Variants in SORCS2 observed in about 807,000 individuals in gnomAD.
SORCS2 encodes sortilin related VPS10 domain containing receptor 2.
In SORCS2, 100 loss-of-function variants were observed where a neutral mutation model predicts 141.6. The ratio of observed to expected loss-of-function variants is 0.71; its 90% CI spans 0.60 to 0.83. The LOEUF (loss-of-function observed/expected upper bound fraction) is 0.83. Among genes scored for constraint, SORCS2 ranks in the 40% least tolerant of loss-of-function variants. The probability of loss-of-function intolerance (pLI) is 0.00; values close to 1 mark genes in which losing one functional copy is unlikely to be tolerated. For synonymous variants in SORCS2, 789 were observed against 676.9 expected (o/e 1.17, Z -2.57); for missense variants, 1,646 against 1,560.2 (o/e 1.05, Z -0.93).
At chr4:7,313,006 G>T (rs926871555) in intron 1 of SORCS2, among the ~76,000 whole-genome samples, 1 of 152,378 alleles carries the variant, frequency 6.6e-6, no homozygotes, top group South Asian at 2.1e-4. Context: ...GGAACAGCAT[G>T]TGTAGCTGGG....
chr4:7,209,936 G>C (rs773221918), intron 1 of SORCS2, among the ~76,000 whole-genome samples: 4 of 152,240 alleles, frequency 2.6e-5, no homozygotes, highest in Non-Finnish European at 5.9e-5. Flanking sequence ...GCCGGGGGAA[G>C]GGGTGAAGTC....
chr4:7,703,354 C>A lies in SORCS2; in HGVS notation c.1743C>A (p.Ile581=), dbSNP rs1201542495. 9 of 1,613,262 alleles carry A rather than the reference C, an allele frequency of 5.6e-6. No individual in the cohort carries two copies. Among genetic ancestry groups the A allele is most frequent in the Non-Finnish European group, 7.6e-6 (9 of 1,179,620 alleles). ...GVIVAIKDTS[I]PLKILKFSVD... Reference sequence around the variant, plus strand: ...TCGTGGCCATCAAAGACACCTCCATCCCTTTGAAGATCCTCAAGTAATGGC... The same window carrying A: ...TCGTGGCCATCAAAGACACCTCCATACCTTTGAAGATCCTCAAGTAATGGC... Residue 581 remains isoleucine, a synonymous_variant, in exon 13 of 27, where the codon ATC becomes ATA. Coordinates refer to ENST00000507866, the MANE Select transcript of SORCS2 (RefSeq NM_020777.3).
At chr4:7,246,459 G>T in intron 1 of SORCS2, among the ~76,000 whole-genome samples, 1 of 145,756 alleles carries the variant, frequency 6.9e-6, no homozygotes, top group African/African-American at 2.6e-5. Context: ...ATCTCACCTG[G>T]GGCTTAAATG....
intron 1 of SORCS2, among the ~76,000 whole-genome samples, chr4:7,315,558 C>T (rs36088630): frequency 0.27 from 41,358 of 152,090 alleles, 5,981 homozygotes; most frequent in East Asian, 0.46. Flanking sequence ...AGACCAGGAA[C>T]GTGAGGACTT....
At chr4:7,463,600 A>C (rs1017395666) in intron 2 of SORCS2, among the ~76,000 whole-genome samples, 2 of 152,156 alleles carry the variant, frequency 1.3e-5, no homozygotes, top group East Asian at 3.9e-4. Context: ...AAAACAATCA[A>C]CGCTGGAGGC....
intron 1 of SORCS2, chr4:7,382,118 C>T: frequency 2.4e-6 from 1 of 413,836 alleles, no homozygotes; most frequent in Non-Finnish European, 3.3e-6. Flanking sequence ...GGTGGTGCTG[C>T]TGGTGGAGCG....
At chr4:7,340,637 T>C (rs1224660370) in intron 1 of SORCS2, among the ~76,000 whole-genome samples, 3 of 152,210 alleles carry the variant, frequency 2.0e-5, no homozygotes, top group African/African-American at 4.8e-5. Flanking sequence ...CTCTGCACTC[T>C]TGCACGTGAG....
In SORCS2 at chr4:7,438,171, C is replaced by T. The variant is rs142326634; in HGVS notation, c.548+41816C>T. 1.2e-3 allele frequency among the ~76,000 whole-genome samples: 176 copies of T among 152,352 alleles called. 1 individual carries two copies. Among genetic ancestry groups the T allele is most frequent in the African/African-American group, 3.9e-3 (163 of 41,584 alleles). On this transcript the variant is annotated intron_variant, in intron 2 of 26. Coordinates refer to ENST00000507866, the MANE Select transcript of SORCS2 (RefSeq NM_020777.3). ...GGTCCAGCCCCAGTCCAGGCTCACA[C>T]GATGCAATTCCTGGTCATGGTGCCT... is the stretch of plus-strand genomic sequence containing the variant.
chr4:7,740,309 C>T lies in SORCS2; in HGVS notation c.*45C>T, dbSNP rs1458712901. Reference sequence around the variant, plus strand: ...TTTTCACCCACGGAGGGCACAGAACCACCAGCAAAGCCGGCGGCTGGACTG... The same window carrying T: ...TTTTCACCCACGGAGGGCACAGAACTACCAGCAAAGCCGGCGGCTGGACTG... On this transcript the variant is annotated 3_prime_UTR_variant, in exon 27 of 27. Transcript: ENST00000507866. 2 of 1,575,796 alleles carry T rather than the reference C, an allele frequency of 1.3e-6. No homozygotes were observed. Among genetic ancestry groups the T allele is most frequent in the Non-Finnish European group, 1.7e-6 (2 of 1,154,924 alleles).
intron 2 of SORCS2, among the ~76,000 whole-genome samples, chr4:7,465,605 A>C (rs1729569144): frequency 6.6e-6 from 1 of 152,146 alleles, no homozygotes; most frequent in South Asian, 2.1e-4. Context: ...CTTTTCTTTT[A>C]AGTTCGTTTT....
chr4:7,556,856 A>G (rs1249243279), intron 3 of SORCS2, among the ~76,000 whole-genome samples: 3 of 139,426 alleles, frequency 2.2e-5, no homozygotes, highest in Non-Finnish European at 4.6e-5. Flanking sequence ...CCATCCATCC[A>G]GTCACCCACC....
chr4:7,738,305 G>A (rs931800079), intron 26 of SORCS2, among the ~76,000 whole-genome samples: 32 of 152,376 alleles, frequency 2.1e-4, no homozygotes, highest in African/African-American at 6.5e-4. Context: ...GCAGCCAGGC[G>A]GTGTGGGCAC....
At chr4:7,207,063 A>G (rs1305058735) in intron 1 of SORCS2, among the ~76,000 whole-genome samples, 1 of 152,096 alleles carries the variant, frequency 6.6e-6, no homozygotes, top group Non-Finnish European at 1.5e-5. Context: ...CCCACTGCTA[A>G]CGTGCTCATC....
At chr4:7,532,828 G>A (rs534240250) in intron 3 of SORCS2, among the ~76,000 whole-genome samples, 19 of 152,160 alleles carry the variant, frequency 1.2e-4, no homozygotes, top group East Asian at 3.9e-4. Context: ...GTTTTGTTTC[G>A]TTTTTTTCTC....
chr4:7,228,730 C>T (rs997976810), intron 1 of SORCS2, among the ~76,000 whole-genome samples: 2 of 152,176 alleles, frequency 1.3e-5, no homozygotes, highest in East Asian at 1.9e-4. Context: ...TTGGGGCCTA[C>T]GACTCTGTCC....
intron 1 of SORCS2, among the ~76,000 whole-genome samples, chr4:7,363,505 T>A (rs1192829810): frequency 1.7e-5 from 2 of 117,714 alleles, no homozygotes; most frequent in Non-Finnish European, 3.4e-5. Context: ...ACCATCATCA[T>A]CACCATCACC....
chr4:7,360,510 C>G (rs1356764373), intron 1 of SORCS2, among the ~76,000 whole-genome samples: 1 of 150,664 alleles, frequency 6.6e-6, no homozygotes, highest in East Asian at 2.0e-4. Context: ...CTCTGAGTCC[C>G]AGTCCAGGCT....
intron 1 of SORCS2, among the ~76,000 whole-genome samples, chr4:7,298,491 A>G (rs986605438): frequency 6.6e-6 from 1 of 152,204 alleles, no homozygotes; most frequent in African/African-American, 2.4e-5. Flanking sequence ...TCAGCGACCC[A>G]GGCAAGGGTA....
chr4:7,398,689 T>A (rs4618312), intron 2 of SORCS2, among the ~76,000 whole-genome samples: 145,908 of 152,286 alleles, frequency 0.96, 70,081 homozygotes, highest in East Asian at 1. Flanking sequence ...TTTATCATTT[T>A]TAAAATATGT....
Sources: gnomAD v4.1 joint callset for allele counts (sites outside exome capture counted in the v4.1 genomes callset) on GRCh38, gnomAD v4.1.1 for gene constraint, MANE v1.5 for transcripts, NCBI Gene and HGNC (gene_info 2026-07-23, HGNC 2026-07-21) for gene names.